The following MBP variants were observed in gnomAD, a reference collection of about 807,000 sequenced individuals.
The protein encoded by MBP is Golli-MBP.
Under a neutral mutation model 35.8 loss-of-function variants are expected in MBP, and 16 were observed. That is an observed-to-expected ratio of 0.45 (90% CI 0.30 to 0.68). The LOEUF (loss-of-function observed/expected upper bound fraction) is 0.68. Among genes scored for constraint, MBP ranks in the 30% least tolerant of loss-of-function variants. MBP has a pLI of 0.08. For synonymous variants in MBP, 143 were observed against 159.6 expected (o/e 0.90, Z 0.78); for missense variants, 380 against 404.7 (o/e 0.94, Z 0.52).
chr18:77,007,704 C>T (rs1197484943), intron 4 of MBP, among the ~76,000 whole-genome samples: 1 of 152,190 alleles, frequency 6.6e-6, no homozygotes, highest in Non-Finnish European at 1.5e-5. Context: ...ATGGGGTGTC[C>T]ACAAGTGCAC....
intron 4 of MBP, chr18:77,010,009 T>G: frequency 1.0e-6 from 1 of 966,250 alleles, no homozygotes; most frequent in Non-Finnish European, 1.6e-6. Context: ...AAATCTCCTC[T>G]AGAGCTGGCT....
At chr18:77,034,051 C>CAAAAAAAAA (rs398033591) in intron 3 of MBP, among the ~76,000 whole-genome samples, 4 of 70,502 alleles carry the variant, frequency 5.7e-5, no homozygotes, top group Non-Finnish European at 1.1e-4. Flanking sequence ...CCTAATGGGG[C>CAAAAAAAAA]AAAAAAAAAA....
chr18:77,076,888 A>G (rs1260805091), intron 2 of MBP, among the ~76,000 whole-genome samples: 1 of 151,940 alleles, frequency 6.6e-6, no homozygotes, highest in Non-Finnish European at 1.5e-5. Flanking sequence ...ACCAATCCCA[A>G]CCCCACCCTT....
At chr18:77,014,515 G>A in intron 4 of MBP, 1 of 985,414 alleles carries the variant, frequency 1.0e-6, no homozygotes. Flanking sequence ...CCTATCCCAA[G>A]GACCTTCCTA....
chr18:77,022,248 A>G (rs750442442), intron 3 of MBP, among the ~76,000 whole-genome samples: 7 of 152,058 alleles, frequency 4.6e-5, no homozygotes, highest in Non-Finnish European at 8.8e-5. Flanking sequence ...GTTGGAACCC[A>G]GGGTCGCGGT....
At chr18:77,120,817 T>C (rs1253577369) in intron 1 of MBP, among the ~76,000 whole-genome samples, 4 of 152,234 alleles carry the variant, frequency 2.6e-5, no homozygotes, top group African/African-American at 9.6e-5. Flanking sequence ...GTGCAATCGG[T>C]AAATTTTTCA....
At chr18:77,002,345 T>C (rs540477550) in intron 4 of MBP, among the ~76,000 whole-genome samples, 1 of 152,366 alleles carries the variant, frequency 6.6e-6, no homozygotes, top group African/African-American at 2.4e-5. Context: ...CATGATGTCA[T>C]TGCAGAATGA....
At chr18:77,039,422 C>G (rs1972896624) in intron 3 of MBP, among the ~76,000 whole-genome samples, 1 of 152,164 alleles carries the variant, frequency 6.6e-6, no homozygotes, top group African/African-American at 2.4e-5. Flanking sequence ...ACTGTTGAAG[C>G]TCTGAGGCTA....
chr18:77,030,983 C>G (rs1309543366), intron 3 of MBP, among the ~76,000 whole-genome samples: 2 of 151,608 alleles, frequency 1.3e-5, no homozygotes, highest in African/African-American at 2.4e-5. Flanking sequence ...TCTGAAGTCA[C>G]AAAACCATTC....
intron 3 of MBP, among the ~76,000 whole-genome samples, chr18:77,058,475 C>T (rs1003751565): frequency 1.3e-5 from 2 of 152,110 alleles, no homozygotes; most frequent in African/African-American, 4.8e-5. Context: ...GCCCCAGGCA[C>T]GACCCCAGGC....
At chr18:76,986,738 C>T (rs1969579764) in intron 7 of MBP, 2 of 985,404 alleles carry the variant, frequency 2.0e-6, no homozygotes, top group Non-Finnish European at 1.2e-6. Flanking sequence ...CAGAAAGCCA[C>T]TTCCCTGCAA....
At chr18:77,107,581 G>C (rs540091938) in intron 1 of MBP, among the ~76,000 whole-genome samples, 61 of 152,308 alleles carry the variant, frequency 4.0e-4, no homozygotes, top group African/African-American at 1.3e-3. Context: ...TTTTGGGCAA[G>C]GGGCTCTTGA....
Position 77,057,988 on chromosome 18 carries a change from G to T in MBP, c.139+8310C>A, listed in dbSNP as rs1470030368. 6.0e-5 allele frequency among the ~76,000 whole-genome samples: 4 copies of T among 66,720 alleles called. 2 individuals are homozygous for T. Among genetic ancestry groups the T allele is most frequent in the South Asian group, 1.3e-3 (2 of 1,584 alleles). 43.8% of individuals were successfully genotyped at this position (66,720 alleles called of 152,430 possible). A position where few individuals can be genotyped will look rare whatever the true frequency, so the allele number is the denominator to read the frequency against. On this transcript the variant is annotated intron_variant, in intron 3 of 8. Transcript: ENST00000355994. ...ACTACAGGCGCCCGCCACTACGCCC[G>T]GCTAATTTTTTGTATTTTTTTTTTT...
chr18:77,084,836 T>C (rs1430015053), intron 2 of MBP, among the ~76,000 whole-genome samples: 1 of 152,226 alleles, frequency 6.6e-6, no homozygotes, highest in Non-Finnish European at 1.5e-5. Flanking sequence ...AGGTCTGTTA[T>C]GTAACTGGAC....
intron 7 of MBP, chr18:76,985,203 C>A: frequency 7.0e-7 from 1 of 1,430,146 alleles, no homozygotes; most frequent in Non-Finnish European, 9.3e-7. Context: ...CAGTTGCTTA[C>A]CTTCACGCTG....
chr18:76,997,472 T>C (rs888504614), intron 4 of MBP, among the ~76,000 whole-genome samples: 2 of 152,252 alleles, frequency 1.3e-5, no homozygotes, highest in African/African-American at 4.8e-5. Flanking sequence ...GAAGCCACCT[T>C]GGAAAAGCGG....
chr18:77,066,331 A>C lies in MBP; in HGVS notation c.106T>G (p.Ser36Ala). Residue 36 changes from serine (S) to alanine (A), a missense_variant, in exon 3 of 9, where the codon TCA becomes GCA. Coordinates refer to ENST00000355994, the MANE Select transcript of MBP (RefSeq NM_001025101.2). ...SEKKRNLGEL[S>A]RTTSEDNEVF... ...TCGTTGTCCTCTGAGGTTGTCCGTG[A>C]AAGTTCACCCAGGTTTCTCTTTTTT... is the stretch of plus-strand genomic sequence containing the variant. The C allele has an allele frequency of 6.2e-7, 1 of 1,614,236 alleles. No homozygotes were observed. The highest frequency in any genetic ancestry group is 8.5e-7 in the Non-Finnish European group (1 of 1,180,028).
chr18:77,034,898 A>G (rs557530399), intron 3 of MBP, among the ~76,000 whole-genome samples: 20 of 151,860 alleles, frequency 1.3e-4, no homozygotes, highest in Non-Finnish European at 2.6e-4. Flanking sequence ...CTTTTCTCCA[A>G]CTGTGTTTCC....
intron 2 of MBP, among the ~76,000 whole-genome samples, chr18:77,094,814 A>G (rs986551117): frequency 6.6e-6 from 1 of 152,184 alleles, no homozygotes; most frequent in African/African-American, 2.4e-5. Context: ...AACTGTGGCC[A>G]CTTCCATCTA....
Sources: allele counts gnomAD v4.1 joint callset (sites outside exome capture counted in the v4.1 genomes callset), GRCh38; gene constraint gnomAD v4.1.1; transcripts MANE v1.5; gene names NCBI Gene and HGNC (gene_info 2026-07-23, HGNC 2026-07-21).